Variants in CRISPLD2 observed in about 807,000 individuals in gnomAD.
The protein encoded by CRISPLD2 is cysteine-rich secretory protein LCCL domain-containing 2.
In CRISPLD2, 47 loss-of-function variants were observed where a neutral mutation model predicts 71.1. The ratio of observed to expected loss-of-function variants is 0.66; its 90% CI spans 0.52 to 0.84. The LOEUF (loss-of-function observed/expected upper bound fraction) is 0.84. Among genes scored for constraint, CRISPLD2 ranks in the 40% least tolerant of loss-of-function variants. The pLI is 0.00. For missense variants in CRISPLD2, 830 were observed against 651.1 expected (o/e 1.27, Z -2.99); for synonymous variants, 317 against 250.1 (o/e 1.27, Z -2.52).
intron 14 of CRISPLD2, among the ~76,000 whole-genome samples, chr16:84,899,080 CAG>C (rs939828664): frequency 2.0e-4 from 31 of 152,264 alleles, no homozygotes; most frequent in African/African-American, 2.2e-4. Context: ...TTTGTAGAGA[CAG>C]GGGTCACTGT....
At chr16:84,902,508 G>T (rs1176472222) in intron 14 of CRISPLD2, among the ~76,000 whole-genome samples, 2 of 151,692 alleles carry the variant, frequency 1.3e-5, no homozygotes, top group African/African-American at 4.8e-5. Flanking sequence ...TACTCGGGAG[G>T]CTGAGGCAGG....
At chr16:84,868,756 T>G (rs1172243572) in intron 7 of CRISPLD2, 95 bp from the exon 8 acceptor site, 2 of 1,023,292 alleles carry the variant, frequency 2.0e-6, no homozygotes, top group African/African-American at 3.2e-5. Context: ...CGGATTGGAT[T>G]GCAGAATGTT....
intron 1 of CRISPLD2, among the ~76,000 whole-genome samples, chr16:84,827,395 C>A (rs1390484068): frequency 1.3e-5 from 2 of 152,066 alleles, no homozygotes; most frequent in African/African-American, 4.8e-5. Flanking sequence ...AGAGTCCTCA[C>A]CGTGGCCTTC....
Position 84,838,615 on chromosome 16 carries a change from C to T in CRISPLD2, c.120C>T (p.His40=). 1 of 1,614,260 alleles carries T rather than the reference C, an allele frequency of 6.2e-7. No individual in the cohort carries two copies. The highest frequency in any genetic ancestry group is 1.1e-5 in the South Asian group (1 of 91,090). ...AGGAGCTGCTCAGCAAATACCAGCA[C>T]AACGAGTCTCACTCCCGGGTCCGCA... ...LLEELLSKYQ[H]NESHSRVRRA... is the part of the protein sequence containing the mutation. Residue 40 remains histidine, a synonymous_variant, in exon 2 of 15, where the codon CAC becomes CAT. Coordinates refer to ENST00000262424, the MANE Select transcript of CRISPLD2 (RefSeq NM_031476.4).
At position 84,905,554 on chromosome 16, in the gene CRISPLD2, A is replaced by G. The variant is rs767864392; in HGVS notation, c.1440-1034A>G. On this transcript the variant is annotated intron_variant, in intron 14 of 14. Coordinates refer to ENST00000262424, the MANE Select transcript of CRISPLD2 (RefSeq NM_031476.4). ...GCTGGGATTACAGGTGCACACCATC[A>G]TGCCTGGCTAATTGTTTGTAGAGGC... Among the ~76,000 whole-genome samples, 140 of 151,758 alleles carry G rather than the reference A, an allele frequency of 9.2e-4. 1 individual carries two copies. Among genetic ancestry groups the G allele is most frequent in the Non-Finnish European group, 9.3e-4 (63 of 67,996 alleles).
At chr16:84,833,889 G>A (rs60605285) in intron 1 of CRISPLD2, among the ~76,000 whole-genome samples, 25,811 of 152,198 alleles carry the variant, frequency 0.17, 2,293 homozygotes, top group Middle Eastern at 0.24. Context: ...GGAGGCAGAA[G>A]AGGGTGGAAG....
chr16:84,901,411 G>A (rs2071752628), intron 14 of CRISPLD2, among the ~76,000 whole-genome samples: 1 of 151,784 alleles, frequency 6.6e-6, no homozygotes, highest in Admixed American at 6.6e-5. Context: ...AAAATGTGCG[G>A]CTATGATTAG....
At chr16:84,896,266 C>T (rs1401428585) in intron 14 of CRISPLD2, among the ~76,000 whole-genome samples, 5 of 152,016 alleles carry the variant, frequency 3.3e-5, no homozygotes, top group African/African-American at 1.2e-4. Context: ...CCAGGCTGGT[C>T]TCGAATTCGT....
chr16:84,877,614 C>G, intron 12 of CRISPLD2, 104 bp downstream of exon 12: 1 of 958,256 alleles, frequency 1.0e-6, no homozygotes, highest in Non-Finnish European at 1.6e-6. Flanking sequence ...CTTTGGGAGG[C>G]CGAGGCGGGT....
At chr16:84,890,281 C>T (rs553521974) in intron 14 of CRISPLD2, among the ~76,000 whole-genome samples, 38 of 152,140 alleles carry the variant, frequency 2.5e-4, no homozygotes, top group African/African-American at 8.7e-4. Flanking sequence ...ATGGCGTGAA[C>T]CCGGGAGGCG....
Position 84,846,874 on chromosome 16 carries a change from G to A in CRISPLD2, c.359+970G>A, listed in dbSNP as rs369460713. Reference sequence around the variant, plus strand: ...GTTGTCTGTTAAATGCAGCCGACGGGCCTTCCCCAGAGTAAGCTGGACCAT... The same window carrying A: ...GTTGTCTGTTAAATGCAGCCGACGGACCTTCCCCAGAGTAAGCTGGACCAT... On this transcript the variant is annotated intron_variant, in intron 3 of 14. Coordinates refer to ENST00000262424, the MANE Select transcript of CRISPLD2 (RefSeq NM_031476.4). 2.8e-4 allele frequency among the ~76,000 whole-genome samples: 42 copies of A among 152,292 alleles called. 1 individual carries two copies. The highest frequency in any genetic ancestry group is 9.4e-4 in the African/African-American group (39 of 41,560).
intron 14 of CRISPLD2, among the ~76,000 whole-genome samples, chr16:84,901,893 A>G (rs1213255926): frequency 6.8e-6 from 1 of 147,004 alleles, no homozygotes; most frequent in African/African-American, 2.5e-5. Context: ...TCCTGGGTTC[A>G]AATGATTCTC....
intron 1 of CRISPLD2, among the ~76,000 whole-genome samples, chr16:84,834,218 G>A (rs1162038124): frequency 2.6e-5 from 4 of 152,214 alleles, no homozygotes; most frequent in African/African-American, 2.4e-5. Flanking sequence ...CTCACACCAC[G>A]ACGGGCGCAG....
rs756555506 is a variant in CRISPLD2, at chr16:84,868,858, C to T, written c.861C>T (p.Val287=). Residue 287 remains valine, a synonymous_variant, in exon 8 of 15, where the codon GTC becomes GTT. Transcript: ENST00000262424. ...KTSAVNYMTQ[V]VRCDTKMKDR... is the part of the protein sequence containing the mutation. ...CCCGCATTTCTCTCCTAGCCCAAGT[C>T]GTCAGATGTGACACCAAGATGAAGG... The T allele has an allele frequency of 9.9e-6, 16 of 1,612,060 alleles. No individual in the cohort carries two copies. Among genetic ancestry groups the T allele is most frequent in the African/African-American group, 2.7e-5 (2 of 74,854 alleles).
chr16:84,827,787 G>A (rs113355410), intron 1 of CRISPLD2, among the ~76,000 whole-genome samples: 3,241 of 151,958 alleles, frequency 0.021, 108 homozygotes, highest in African/African-American at 0.074. Context: ...GGCTGGTCTC[G>A]AACTCCTGAC....
rs539002225 is a variant in CRISPLD2 at position 84,877,477 on chromosome 16, G to A, written c.1196G>A (p.Cys399Tyr). 1.9e-6 allele frequency: 3 copies of A among 1,613,974 alleles called. No homozygotes were observed. Among genetic ancestry groups the A allele is most frequent in the African/African-American group, 1.3e-5 (1 of 75,044 alleles). ...LDCYTTVAQL[C>Y]PFEKPATHCP... is the part of the protein sequence containing the mutation. ...TGCTACACGACCGTTGCTCAGCTGT[G>A]CCCGTTTGAAAAGCCAGCAACTCAC... The change falls in exon 12 of 15, where the codon TGC becomes TAC. Residue 399 changes from cysteine (C) to tyrosine (Y), a missense_variant. Physicochemically the swap from Cys to Tyr is radical, Grantham distance 194 (BLOSUM62 -2). Transcript: ENST00000262424.
intron 14 of CRISPLD2, among the ~76,000 whole-genome samples, chr16:84,902,932 C>T (rs540931259): frequency 1.3e-5 from 2 of 151,850 alleles, no homozygotes; most frequent in East Asian, 4.0e-4. Flanking sequence ...GCCACCACAG[C>T]CAGCTAATTT....
chr16:84,843,995 C>T (rs2143192518), intron 2 of CRISPLD2, among the ~76,000 whole-genome samples: 1 of 152,348 alleles, frequency 6.6e-6, no homozygotes, highest in African/African-American at 2.4e-5. Flanking sequence ...GGACTGTCTT[C>T]CCTGAGCATC....
At chr16:84,879,650 C>G (rs1451934637) in intron 12 of CRISPLD2, among the ~76,000 whole-genome samples, 3 of 152,156 alleles carry the variant, frequency 2.0e-5, no homozygotes, top group Non-Finnish European at 1.5e-5. Flanking sequence ...GTGTGAGCCA[C>G]TGCACCTGGC....
Sources: gnomAD v4.1 joint callset for allele counts (sites outside exome capture counted in the v4.1 genomes callset) on GRCh38, gnomAD v4.1.1 for gene constraint, MANE v1.5 for transcripts, NCBI Gene and HGNC (gene_info 2026-07-23, HGNC 2026-07-21) for gene names.